SYN3: variants seen among roughly 807,000 people sequenced by gnomAD.
The protein encoded by SYN3 is synapsin III, also known as synapsin-3.
Under a neutral mutation model 65.8 loss-of-function variants are expected in SYN3, and 35 were observed. The observed-to-expected ratio is 0.53, with a 90% CI of 0.41 to 0.70. SYN3 has a LOEUF of 0.70. Among genes scored for constraint, SYN3 ranks in the 30% least tolerant of loss-of-function variants. SYN3 has a pLI of 0.00. For synonymous variants in SYN3, 270 were observed against 292.9 expected, an observed-to-expected ratio of 0.92 and a Z score of 0.80; for missense variants, 680 against 749.0, an observed-to-expected ratio of 0.91 and a Z score of 1.08.
At chr22:32,613,912 A>G (rs530063548) in intron 6 of SYN3, among the ~76,000 whole-genome samples, 2 of 152,236 alleles carry the variant, frequency 1.3e-5, no homozygotes, top group East Asian at 3.9e-4. Flanking sequence ...AAACACAGTG[A>G]GCACTTAAAA....
chr22:32,896,402 G>C (rs2049594651), intron 4 of SYN3, among the ~76,000 whole-genome samples: 1 of 152,200 alleles, frequency 6.6e-6, no homozygotes, highest in Non-Finnish European at 1.5e-5. Context: ...GCTGCAGTGA[G>C]TTGAGGTTGC....
chr22:32,673,236 G>A (rs2060396146), intron 6 of SYN3, among the ~76,000 whole-genome samples: 3 of 152,176 alleles, frequency 2.0e-5, no homozygotes, highest in Non-Finnish European at 4.4e-5. Context: ...GAGCTGTGGG[G>A]AAGAGGGAAG....
At chr22:32,573,177 T>A (rs1282246824) in intron 7 of SYN3, among the ~76,000 whole-genome samples, 2 of 152,290 alleles carry the variant, frequency 1.3e-5, no homozygotes, top group Admixed American at 1.3e-4. Context: ...TGGAAGACAG[T>A]TTATGACTGT....
chr22:32,513,615 C>A lies in SYN3; in HGVS notation c.*77G>T. 6.4e-7 allele frequency: 1 copy of A among 1,570,162 alleles called. No homozygotes were observed. The highest frequency in any genetic ancestry group is 8.7e-7 in the Non-Finnish European group (1 of 1,153,382). ...CCCTCCATTCTGTTCCCATCAGGAA[C>A]CAAGGCTGAGAAGGAAGATGAGGCA... On this transcript the variant is annotated 3_prime_UTR_variant, in exon 14 of 14. Transcript: ENST00000358763.
intron 4 of SYN3, among the ~76,000 whole-genome samples, chr22:32,925,016 CAGG>C (rs1203009292): frequency 6.6e-6 from 1 of 152,060 alleles, no homozygotes; most frequent in African/African-American, 2.4e-5. Flanking sequence ...CGCTTGAGCC[CAGG>C]AGGTTGAGGC....
At chr22:32,574,185 A>G (rs2058819829) in intron 7 of SYN3, among the ~76,000 whole-genome samples, 1 of 151,964 alleles carries the variant, frequency 6.6e-6, no homozygotes, top group South Asian at 2.1e-4. Context: ...GCAGGAAATA[A>G]AACCACCATC....
chr22:32,529,211 T>A, intron 10 of SYN3: 1 of 575,348 alleles, frequency 1.7e-6, no homozygotes, highest in South Asian at 2.5e-5. Context: ...TCCCTGGAGG[T>A]AGTTCAATTC....
intron 1 of SYN3, among the ~76,000 whole-genome samples, chr22:33,012,959 AT>A (rs1260105318): frequency 6.6e-6 from 1 of 152,024 alleles, no homozygotes; most frequent in African/African-American, 2.4e-5. Context: ...CGTTTTAAAG[AT>A]TTTTTCCAAA....
intron 1 of SYN3, among the ~76,000 whole-genome samples, chr22:33,010,169 T>C (rs1298080682): frequency 1.3e-5 from 2 of 151,694 alleles, no homozygotes; most frequent in African/African-American, 4.9e-5. Context: ...GAGGCGGAGG[T>C]TGCGGTGAGC....
chr22:32,774,430 G>T (rs538264348), intron 6 of SYN3, among the ~76,000 whole-genome samples: 2 of 152,172 alleles, frequency 1.3e-5, no homozygotes, highest in Admixed American at 1.3e-4. Context: ...CCAGAAACTG[G>T]AAGAGATAAG....
chr22:32,764,865 T>C (rs2045582531), intron 6 of SYN3, among the ~76,000 whole-genome samples: 1 of 152,176 alleles, frequency 6.6e-6, no homozygotes, highest in South Asian at 2.1e-4. Flanking sequence ...TTCTGATTCA[T>C]GGACATTCTT....
rs1267196752 is a variant in SYN3 at position 32,801,511 on chromosome 22, A to G, written c.711+63404T>C. ...CCACTCGCGTGCCCACGGCGGCATT[A>G]TTCCCTATAAGGATCTGAACGATCC... is the stretch of plus-strand genomic sequence containing the variant. On this transcript the variant is annotated intron_variant, in intron 6 of 13. Transcript: ENST00000358763. This position sits in a 1 kb window ranked among gnomAD's most constrained non-coding sequence, Gnocchi z 4.7. 1.3e-5 allele frequency among the ~76,000 whole-genome samples: 2 copies of G among 152,132 alleles called. No individual in the cohort carries two copies. The highest frequency in any genetic ancestry group is 4.8e-5 in the African/African-American group (2 of 41,450).
At chr22:32,574,882 G>C (rs2058829742) in intron 7 of SYN3, among the ~76,000 whole-genome samples, 1 of 152,178 alleles carries the variant, frequency 6.6e-6, no homozygotes, top group Non-Finnish European at 1.5e-5. Flanking sequence ...TGTATTAATA[G>C]TTTTCTATAC....
chr22:32,860,404 G>A (rs2048502349), intron 6 of SYN3: 6 of 152,654 alleles, frequency 3.9e-5, no homozygotes. Context: ...TACCCACATG[G>A]GGACATAAGC....
At chr22:32,712,470 T>C (rs1179126582) in intron 6 of SYN3, among the ~76,000 whole-genome samples, 1 of 152,222 alleles carries the variant, frequency 6.6e-6, no homozygotes, top group Non-Finnish European at 1.5e-5. Flanking sequence ...TACTGACTGC[T>C]TGACTGAGCT....
intron 6 of SYN3, among the ~76,000 whole-genome samples, chr22:32,760,177 A>C (rs1448919489): frequency 6.6e-4 from 8 of 12,192 alleles, no homozygotes; most frequent in Non-Finnish European, 8.0e-4. Flanking sequence ...GCCAGCACCC[A>C]CGTACCCCCC....
chr22:33,018,523 G>A (rs2053508365), intron 1 of SYN3, among the ~76,000 whole-genome samples: 2 of 152,208 alleles, frequency 1.3e-5, no homozygotes, highest in Non-Finnish European at 2.9e-5. Flanking sequence ...GCTGTGGCAT[G>A]AAGAAAAACT....
intron 7 of SYN3, among the ~76,000 whole-genome samples, chr22:32,589,317 C>A (rs1460421682): frequency 6.6e-6 from 1 of 152,134 alleles, no homozygotes; most frequent in Admixed American, 6.5e-5. Context: ...TGGTTAATAC[C>A]ACAGAATCTC....
At chr22:32,789,129 C>T (rs2046262356) in intron 6 of SYN3, among the ~76,000 whole-genome samples, 1 of 152,234 alleles carries the variant, frequency 6.6e-6, no homozygotes, top group South Asian at 2.1e-4. Flanking sequence ...ATTTTAATTA[C>T]TGGGCATTGC....
Sources: allele counts gnomAD v4.1 joint callset (sites outside exome capture counted in the v4.1 genomes callset), GRCh38; gene constraint gnomAD v4.1.1; non-coding constraint Gnocchi (gnomAD v3.1); transcripts MANE v1.5; gene names NCBI Gene and HGNC (gene_info 2026-07-23, HGNC 2026-07-21).